SIK3: variants seen among roughly 807,000 people sequenced by gnomAD.
SIK3 encodes serine/threonine-protein kinase SIK3.
In SIK3, 28 loss-of-function variants were observed where a neutral mutation model predicts 144.2. The ratio of observed to expected loss-of-function variants is 0.19; its 90% CI spans 0.14 to 0.27. The LOEUF is 0.27. Ranked by LOEUF, SIK3 falls within the 10% of genes least tolerant of loss-of-function variation. SIK3 has a pLI of 1.00. For missense variants in SIK3, 1,319 were observed against 1,776.0 expected (o/e 0.74, Z 4.62); for synonymous variants, 686 against 676.3 (o/e 1.01, Z -0.22).
intron 1 of SIK3, among the ~76,000 whole-genome samples, chr11:117,014,576 TA>T (rs932618667): frequency 4.7e-5 from 7 of 148,230 alleles, no homozygotes; most frequent in East Asian, 2.0e-4. Context: ...ACAAGTACAA[TA>T]AAAAAAAGGG....
chr11:116,914,547 A>G (rs927274659), intron 4 of SIK3, among the ~76,000 whole-genome samples: 1 of 152,168 alleles, frequency 6.6e-6, no homozygotes, highest in Non-Finnish European at 1.5e-5. Context: ...TTCTCAGTAC[A>G]AGGTGAACAA....
At chr11:116,944,210 C>A (rs1948457331) in intron 3 of SIK3, among the ~76,000 whole-genome samples, 1 of 152,060 alleles carries the variant, frequency 6.6e-6, no homozygotes, top group Non-Finnish European at 1.5e-5. Context: ...AAAGAGAAGG[C>A]CTGGCCTTCC....
chr11:117,036,357 C>T (rs1258692739), intron 1 of SIK3, among the ~76,000 whole-genome samples: 1 of 152,186 alleles, frequency 6.6e-6, no homozygotes, highest in African/African-American at 2.4e-5. Context: ...AAGACCCATT[C>T]TGACTACCTA....
At chr11:116,876,084 T>C (rs1201927919) in intron 8 of SIK3, 75 bp from the exon 9 acceptor site, 2 of 1,577,386 alleles carry the variant, frequency 1.3e-6, no homozygotes, top group East Asian at 4.5e-5. Context: ...CTTTCAGTAA[T>C]AACATTAGCC....
intron 1 of SIK3, among the ~76,000 whole-genome samples, chr11:116,984,099 A>T (rs1283791714): frequency 1.3e-5 from 2 of 151,824 alleles, no homozygotes; most frequent in Non-Finnish European, 2.9e-5. Flanking sequence ...TTCAAGGTTC[A>T]AAAGAAGCAG....
intron 1 of SIK3, among the ~76,000 whole-genome samples, chr11:117,023,329 A>G (rs1170631788): frequency 6.6e-6 from 1 of 151,972 alleles, no homozygotes; most frequent in Non-Finnish European, 1.5e-5. Flanking sequence ...AGAAGAAAAT[A>G]GTTATCTCTG....
intron 1 of SIK3, among the ~76,000 whole-genome samples, chr11:117,087,778 G>A (rs531077491): frequency 2.0e-5 from 3 of 152,236 alleles, no homozygotes; most frequent in South Asian, 2.1e-4. Flanking sequence ...CCTTTGGCAC[G>A]GTAATTTCCC....
At chr11:116,851,748 G>A (rs754226208) in intron 21 of SIK3, among the ~76,000 whole-genome samples, 18 of 152,308 alleles carry the variant, frequency 1.2e-4, no homozygotes, top group East Asian at 7.7e-4. Context: ...TAGCCCGCCC[G>A]TCCTACCCAC....
rs1174844835 is a variant in SIK3, at chr11:116,858,246, C to T, written c.3219G>A (p.Gly1073=). ...GGCTGGGAGCCAGACTCCCCGCATCCCCTTGGTTCATGTGCCTGAACAGTT... is the reference window on the plus strand; with the variant it reads ...GGCTGGGAGCCAGACTCCCCGCATCTCCTTGGTTCATGTGCCTGAACAGTT... ...YQELFRHMNQ[G]DAGSLAPSLG... The change falls in exon 21 of 25, where the codon GGG becomes GGA. Residue 1073 remains glycine, a synonymous_variant. Coordinates refer to ENST00000445177, the MANE Select transcript of SIK3 (RefSeq NM_001366686.3). The surrounding 1 kb of genome is among the most constrained non-coding windows in gnomAD (Gnocchi z 5.4). The T allele has an allele frequency of 1.9e-6, 3 of 1,614,050 alleles. No individual in the cohort carries two copies. The highest frequency in any genetic ancestry group is 2.2e-5 in the East Asian group (1 of 44,886).
intron 1 of SIK3, among the ~76,000 whole-genome samples, chr11:117,036,841 A>G (rs1238729462): frequency 6.6e-6 from 1 of 152,226 alleles, no homozygotes; most frequent in Non-Finnish European, 1.5e-5. Context: ...GAAACCTCTG[A>G]TTCATTAAGA....
chr11:117,047,596 C>G (rs978615540), intron 1 of SIK3, among the ~76,000 whole-genome samples: 5 of 152,188 alleles, frequency 3.3e-5, no homozygotes, highest in Admixed American at 3.3e-4. Flanking sequence ...GATCATGGTT[C>G]TAAAGCACCA....
intron 1 of SIK3, among the ~76,000 whole-genome samples, chr11:116,982,447 C>T (rs892068906): frequency 3.3e-5 from 5 of 152,022 alleles, no homozygotes; most frequent in African/African-American, 1.2e-4. Context: ...TACCACTACG[C>T]CCAGCTAATT....
rs1408161500 is a variant in SIK3, at chr11:116,981,199, G to A, written c.274-24135C>T. On this transcript the variant is annotated intron_variant, in intron 1 of 24. Transcript: ENST00000445177. ...GGCTTAGAGAGAAGAGCTTGCCTCTGCTCCACATGGCATCACCCAGGGCAG... is the reference window on the plus strand; with the variant it reads ...GGCTTAGAGAGAAGAGCTTGCCTCTACTCCACATGGCATCACCCAGGGCAG... Among the ~76,000 whole-genome samples, 3 of 152,186 alleles carry A rather than the reference G, an allele frequency of 2.0e-5. No homozygotes were observed. The East Asian group carries it at 5.8e-4, about 29-fold the overall frequency.
intron 1 of SIK3, among the ~76,000 whole-genome samples, chr11:116,995,628 G>A (rs1276866955): frequency 2.0e-5 from 3 of 152,076 alleles, no homozygotes; most frequent in African/African-American, 7.2e-5. Context: ...TGTTTTGGAA[G>A]TCCCCAATAT....
intron 1 of SIK3, among the ~76,000 whole-genome samples, chr11:116,980,066 C>T (rs1420238092): frequency 6.6e-6 from 1 of 152,198 alleles, no homozygotes; most frequent in African/African-American, 2.4e-5. Context: ...TCTGTATCCT[C>T]TTTCCACTGT....
intron 1 of SIK3, among the ~76,000 whole-genome samples, chr11:117,067,691 A>C (rs1473463435): frequency 6.6e-6 from 1 of 152,200 alleles, no homozygotes; most frequent in East Asian, 1.9e-4. Context: ...AGTTGATTAA[A>C]AATATCAAAA....
intron 3 of SIK3, among the ~76,000 whole-genome samples, chr11:116,941,462 G>T (rs1948302592): frequency 6.7e-6 from 1 of 149,252 alleles, no homozygotes; most frequent in Non-Finnish European, 1.5e-5. Context: ...TCAAACAAAT[G>T]TGTTGTATTC....
At chr11:116,863,154 G>A (rs563658375) in intron 16 of SIK3, among the ~76,000 whole-genome samples, 39 of 151,964 alleles carry the variant, frequency 2.6e-4, no homozygotes, top group Non-Finnish European at 5.1e-4. Flanking sequence ...CAATGAACTA[G>A]AGACAGGAGA....
At chr11:117,038,772 A>C (rs1952619522) in intron 1 of SIK3, among the ~76,000 whole-genome samples, 1 of 152,102 alleles carries the variant, frequency 6.6e-6, no homozygotes, top group African/African-American at 2.4e-5. Flanking sequence ...ACATGCGGCC[A>C]GGCGCAGTGG....
Sources: gnomAD v4.1 joint callset for allele counts (sites outside exome capture counted in the v4.1 genomes callset) on GRCh38, gnomAD v4.1.1 for gene constraint, Gnocchi (gnomAD v3.1) non-coding constraint, MANE v1.5 for transcripts, NCBI Gene and HGNC (gene_info 2026-07-23, HGNC 2026-07-21) for gene names.